SGCZ: variants seen among roughly 807,000 people sequenced by gnomAD.
The protein encoded by SGCZ is sarcoglycan zeta.
Under a neutral mutation model 41.3 loss-of-function variants are expected in SGCZ, and 40 were observed. That is an observed-to-expected ratio of 0.97 (90% CI 0.75 to 1.26). The LOEUF (loss-of-function observed/expected upper bound fraction) is 1.26, where lower values mean the gene tolerates loss of function less well. SGCZ is among the 50% of genes most tolerant of loss of function. The pLI is 0.00. For missense variants in SGCZ, 552 were observed against 369.8 expected, an observed-to-expected ratio of 1.49 and a Z score of -4.04; for synonymous variants, 206 against 137.5, an observed-to-expected ratio of 1.50 and a Z score of -3.49.
At chr8:14,331,894 T>C (rs1430766222) in intron 2 of SGCZ, among the ~76,000 whole-genome samples, 1 of 151,904 alleles carries the variant, frequency 6.6e-6, no homozygotes, top group East Asian at 1.9e-4. Flanking sequence ...TTTTCTCTAC[T>C]GATAATACAG....
At chr8:14,620,225 T>A (rs934275365) in intron 1 of SGCZ, among the ~76,000 whole-genome samples, 1 of 152,136 alleles carries the variant, frequency 6.6e-6, no homozygotes. Context: ...CTGGGAAAAC[T>A]GGCTAGCCAT....
At chr8:14,603,112 T>C (rs1452599107) in intron 1 of SGCZ, among the ~76,000 whole-genome samples, 2 of 152,174 alleles carry the variant, frequency 1.3e-5, no homozygotes, top group Non-Finnish European at 2.9e-5. Flanking sequence ...CTAGGTGGCC[T>C]GGGAGTGCAT....
At chr8:14,852,847 C>T (rs950183770) in intron 1 of SGCZ, among the ~76,000 whole-genome samples, 14 of 152,158 alleles carry the variant, frequency 9.2e-5, no homozygotes, top group Admixed American at 8.5e-4. Context: ...TCCTGGATTC[C>T]TGTGGTATTG....
At chr8:14,904,421 G>A (rs1473778534) in intron 1 of SGCZ, among the ~76,000 whole-genome samples, 1 of 151,936 alleles carries the variant, frequency 6.6e-6, no homozygotes, top group African/African-American at 2.4e-5. Flanking sequence ...CATTATCAAA[G>A]AATACACGAA....
chr8:14,550,015 T>C (rs553401868), intron 2 of SGCZ, among the ~76,000 whole-genome samples: 1 of 152,132 alleles, frequency 6.6e-6, no homozygotes, highest in East Asian at 1.9e-4. Context: ...AAGGTTAAGA[T>C]TCCTAGACTT....
chr8:15,097,243 T>C (rs185313258), intron 1 of SGCZ, among the ~76,000 whole-genome samples: 6 of 152,318 alleles, frequency 3.9e-5, no homozygotes, highest in Non-Finnish European at 8.8e-5. Context: ...CTAATGCACA[T>C]ACTTGTAATA....
chr8:15,142,765 C>G (rs2117000712), intron 1 of SGCZ, among the ~76,000 whole-genome samples: 1 of 151,696 alleles, frequency 6.6e-6, no homozygotes, highest in Admixed American at 6.6e-5. Flanking sequence ...GCACACATCA[C>G]CGCACCCAGC....
chr8:14,417,724 C>T (rs1227084614), intron 2 of SGCZ, among the ~76,000 whole-genome samples: 1 of 151,706 alleles, frequency 6.6e-6, no homozygotes, highest in Non-Finnish European at 1.5e-5. Context: ...AAGTTGAGAA[C>T]TTGTTTTACA....
chr8:14,918,839 G>A (rs1254267047), intron 1 of SGCZ, among the ~76,000 whole-genome samples: 2 of 152,192 alleles, frequency 1.3e-5, no homozygotes, highest in Admixed American at 1.3e-4. Flanking sequence ...TGTGCTTGGT[G>A]CCAAGAGGCA....
intron 1 of SGCZ, among the ~76,000 whole-genome samples, chr8:14,671,275 C>T (rs1216095532): frequency 1.3e-5 from 2 of 152,170 alleles, no homozygotes; most frequent in African/African-American, 4.8e-5. Context: ...CCTCTACTGG[C>T]TGTCTCTGCT....
At chr8:14,816,553 C>A (rs1260075791) in intron 1 of SGCZ, among the ~76,000 whole-genome samples, 2 of 152,076 alleles carry the variant, frequency 1.3e-5, no homozygotes, top group Non-Finnish European at 2.9e-5. Flanking sequence ...AAAAAGCATA[C>A]AATGGAATGA....
At chr8:14,377,800 A>C (rs1804189913) in intron 2 of SGCZ, among the ~76,000 whole-genome samples, 1 of 150,708 alleles carries the variant, frequency 6.6e-6, no homozygotes, top group Non-Finnish European at 1.5e-5. Context: ...TGTTCTTGCG[A>C]TAGTTTACTG....
At chr8:15,097,782 G>T (rs1051918995) in intron 1 of SGCZ, among the ~76,000 whole-genome samples, 1 of 123,002 alleles carries the variant, frequency 8.1e-6, no homozygotes, top group Admixed American at 8.2e-5. Flanking sequence ...ATATATATAC[G>T]TGTATATATA....
At chr8:15,028,517 G>A (rs1418381921) in intron 1 of SGCZ, among the ~76,000 whole-genome samples, 3 of 151,850 alleles carry the variant, frequency 2.0e-5, no homozygotes, top group African/African-American at 4.8e-5. Context: ...GTCTTTCTAA[G>A]TTGAAGTCAG....
chr8:14,803,176 A>T (rs751082060), intron 1 of SGCZ, among the ~76,000 whole-genome samples: 4 of 152,204 alleles, frequency 2.6e-5, no homozygotes, highest in South Asian at 2.1e-4. Context: ...TTTATTTTTT[A>T]AAAAAGTGAA....
chr8:14,750,786 A>C (rs1424057087), intron 1 of SGCZ, among the ~76,000 whole-genome samples: 2 of 152,224 alleles, frequency 1.3e-5, no homozygotes, highest in Non-Finnish European at 2.9e-5. Flanking sequence ...CAGAAAAATT[A>C]CTTCCGTACA....
intron 1 of SGCZ, among the ~76,000 whole-genome samples, chr8:14,802,402 T>C (rs534859163): frequency 4.0e-4 from 61 of 152,326 alleles, no homozygotes; most frequent in African/African-American, 1.4e-3. Flanking sequence ...TTTGGTGACA[T>C]TACACTTTAA....
chr8:14,362,594 G>C lies in SGCZ; in HGVS notation c.235-38390C>G, dbSNP rs183105428. On this transcript the variant is annotated intron_variant, in intron 2 of 7. Transcript: ENST00000382080. ...GAAGTGTACTGCTCCTCCAGGTACA[G>C]TCTGTCACAGCTTCCCTTGGGTAGG... Among the ~76,000 whole-genome samples, 133 of 152,300 alleles carry C rather than the reference G, an allele frequency of 8.7e-4. 1 individual carries two copies. Among genetic ancestry groups the C allele is most frequent in the African/African-American group, 3.0e-3 (123 of 41,558 alleles).
At chr8:15,099,954 T>C (rs1265696614) in intron 1 of SGCZ, among the ~76,000 whole-genome samples, 1 of 16,678 alleles carries the variant, frequency 6.0e-5, no homozygotes, top group Non-Finnish European at 6.1e-4. Context: ...GGAACTTCCC[T>C]GACAAAAAAA....
Sources: gnomAD v4.1 joint callset for allele counts (sites outside exome capture counted in the v4.1 genomes callset) on GRCh38, gnomAD v4.1.1 for gene constraint, MANE v1.5 for transcripts, NCBI Gene and HGNC (gene_info 2026-07-23, HGNC 2026-07-21) for gene names.